MLLT10: variants seen among roughly 807,000 people sequenced by gnomAD.
MLLT10 encodes the protein protein AF-10.
MLLT10 carries 30 observed loss-of-function variants against 129.1 expected under a neutral mutation model. That is an observed-to-expected ratio of 0.23 (90% CI 0.17 to 0.32). The LOEUF (loss-of-function observed/expected upper bound fraction) is 0.32, where lower values mean the gene tolerates loss of function less well. Among genes scored for constraint, MLLT10 ranks in the 10% least tolerant of loss-of-function variants. The probability of loss-of-function intolerance (pLI) is 1.00; values close to 1 mark genes in which losing one functional copy is unlikely to be tolerated. For missense variants in MLLT10, 1,119 were observed against 1,268.3 expected (o/e 0.88, Z 1.79); for synonymous variants, 490 against 446.4 (o/e 1.10, Z -1.23).
intron 9 of MLLT10, among the ~76,000 whole-genome samples, chr10:21,668,232 G>T (rs74335084): frequency 6.6e-6 from 1 of 152,064 alleles, no homozygotes; most frequent in East Asian, 1.9e-4. Context: ...CAAAAGTGAG[G>T]AAACAAGATT....
intron 11 of MLLT10, among the ~76,000 whole-genome samples, chr10:21,677,905 C>T (rs1012535127): frequency 6.6e-6 from 1 of 152,132 alleles, no homozygotes; most frequent in African/African-American, 2.4e-5. Context: ...CTGACATACA[C>T]CACTGTATCC....
At position 21,740,069 on chromosome 10, in the gene MLLT10, C is replaced by G; in HGVS notation, c.2995C>G (p.His999Asp). The G allele has an allele frequency of 6.2e-7, 1 of 1,613,458 alleles. No homozygotes were observed. Among genetic ancestry groups the G allele is most frequent in the Non-Finnish European group, 8.5e-7 (1 of 1,179,694 alleles). Residue 999 changes from histidine (H) to aspartate (D), a missense_variant, in exon 22 of 23, where the codon CAC becomes GAC. By Grantham distance (81) the His-to-Asp change is moderately conservative. Transcript: ENST00000307729. ...CTTTTTGTATCAGTTAATGCAACATCACCACCAGCAGCACCACCAACCTGA... is the reference window on the plus strand; with the variant it reads ...CTTTTTGTATCAGTTAATGCAACATGACCACCAGCAGCACCACCAACCTGA... ...QAFLYQLMQH[H>D]HQQHHQPELQ...
At chr10:21,565,558 C>T (rs1264379626) in intron 3 of MLLT10, among the ~76,000 whole-genome samples, 3 of 150,752 alleles carry the variant, frequency 2.0e-5, no homozygotes, top group Non-Finnish European at 4.4e-5. Context: ...TTGCCTTCCT[C>T]GGCCTCCCAA....
At chr10:21,686,489 G>A (rs955984445) in intron 13 of MLLT10, among the ~76,000 whole-genome samples, 2 of 152,032 alleles carry the variant, frequency 1.3e-5, no homozygotes, top group East Asian at 1.9e-4. Flanking sequence ...GTTTGAAATT[G>A]GTTAGGTGTT....
chr10:21,594,790 C>T (rs1323247457), intron 4 of MLLT10, among the ~76,000 whole-genome samples: 2 of 150,442 alleles, frequency 1.3e-5, no homozygotes, highest in African/African-American at 2.5e-5. Flanking sequence ...GCCGAGATCG[C>T]GCCATTGCAC....
chr10:21,713,768 G>T lies in MLLT10; in HGVS notation c.1700-4G>T, dbSNP rs772400189. 1.9e-5 allele frequency: 30 copies of T among 1,596,792 alleles called. No homozygotes were observed. Among genetic ancestry groups the T allele is most frequent in the East Asian group, 6.7e-5 (3 of 44,488 alleles). On this transcript the variant is annotated splice_polypyrimidine_tract_variant and splice_region_variant and intron_variant, in intron 13 of 22. Coordinates refer to ENST00000307729, the MANE Select transcript of MLLT10 (RefSeq NM_001195626.3). ...ATATTTAAATAACATTTGTTTTTTT[G>T]CAGGTATTTATAACAGCAATGATGT...
intron 3 of MLLT10, among the ~76,000 whole-genome samples, chr10:21,569,981 C>T (rs1482326914): frequency 1.3e-5 from 2 of 152,178 alleles, no homozygotes; most frequent in Non-Finnish European, 2.9e-5. Flanking sequence ...ATGATCTCGG[C>T]TCATTGCAAT....
intron 3 of MLLT10, among the ~76,000 whole-genome samples, chr10:21,585,352 A>G (rs1462352423): frequency 6.6e-6 from 1 of 152,194 alleles, no homozygotes; most frequent in Non-Finnish European, 1.5e-5. Flanking sequence ...ACTGTGTTTC[A>G]TAAGAAGTGG....
intron 5 of MLLT10, among the ~76,000 whole-genome samples, chr10:21,601,755 G>A (rs2043552953): frequency 1.3e-5 from 2 of 152,116 alleles, no homozygotes; most frequent in African/African-American, 4.8e-5. Flanking sequence ...GCCCAGGCTG[G>A]TTGTGAACTC....
intron 12 of MLLT10, 21 bp downstream of exon 12, chr10:21,681,397 GATAA>G (rs1460541216): frequency 1.3e-6 from 2 of 1,569,400 alleles, no homozygotes; most frequent in Non-Finnish European, 1.8e-6. Context: ...AAACTGGGTT[GATAA>G]CCCGGGCCTT....
intron 3 of MLLT10, among the ~76,000 whole-genome samples, chr10:21,563,791 G>A (rs191113341): frequency 6.0e-4 from 87 of 145,650 alleles, no homozygotes; most frequent in Non-Finnish European, 1.1e-3. Context: ...CTCACTGTGT[G>A]TATTATTATT....
intron 13 of MLLT10, among the ~76,000 whole-genome samples, chr10:21,696,945 A>T (rs748272487): frequency 6.6e-6 from 1 of 152,106 alleles, no homozygotes; most frequent in Non-Finnish European, 1.5e-5. Context: ...GCTTTCCGTT[A>T]GGTTAAAATT....
intron 3 of MLLT10, among the ~76,000 whole-genome samples, chr10:21,566,899 C>T (rs1254420249): frequency 2.6e-5 from 4 of 151,952 alleles, no homozygotes; most frequent in African/African-American, 4.8e-5. Flanking sequence ...CCTCAACCTC[C>T]GCCTTCCGGG....
At chr10:21,593,078 C>A (rs1338837065) in intron 4 of MLLT10, among the ~76,000 whole-genome samples, 2 of 147,648 alleles carry the variant, frequency 1.4e-5, no homozygotes, top group Non-Finnish European at 3.0e-5. Flanking sequence ...ATGTCTAAAC[C>A]GTTGTTAATC....
At position 21,704,231 on chromosome 10, in the gene MLLT10, A is replaced by G. The variant is rs1036754241; in HGVS notation, c.1700-9541A>G. ...GCCGTGTTGGCCAGGCTGATGTTGC[A>G]GTCCTGTACTCAAGTGATCTGCCAG... On this transcript the variant is annotated intron_variant, in intron 13 of 22. Transcript: ENST00000307729. Among the ~76,000 whole-genome samples, 6 of 148,974 alleles carry G rather than the reference A, an allele frequency of 4.0e-5. No individual in the cohort carries two copies. The East Asian group carries it at 8.1e-4, about 20-fold the overall frequency.
chr10:21,716,061 A>C (rs974521196), intron 14 of MLLT10, among the ~76,000 whole-genome samples: 4 of 152,242 alleles, frequency 2.6e-5, no homozygotes, highest in African/African-American at 9.6e-5. Flanking sequence ...CTGAGTGCTG[A>C]ACTACTTCAA....
At chr10:21,730,342 T>C (rs1442123340) in intron 16 of MLLT10, among the ~76,000 whole-genome samples, 4 of 151,898 alleles carry the variant, frequency 2.6e-5, no homozygotes, top group Non-Finnish European at 5.9e-5. Flanking sequence ...GCTTTGATCT[T>C]ATTTCTTAAT....
At chr10:21,600,974 C>G (rs2043470555) in intron 5 of MLLT10, among the ~76,000 whole-genome samples, 1 of 152,080 alleles carries the variant, frequency 6.6e-6, no homozygotes, top group South Asian at 2.1e-4. Context: ...CCAACATGGT[C>G]TTGCTGTTGC....
At chr10:21,730,873 T>C in intron 16 of MLLT10, 27 bp from the exon 17 acceptor site, 1 of 1,613,888 alleles carries the variant, frequency 6.2e-7, no homozygotes, top group Non-Finnish European at 8.5e-7. Flanking sequence ...TTCCCCTTCT[T>C]TTTAACTTGA....
Sources: allele counts gnomAD v4.1 joint callset (sites outside exome capture counted in the v4.1 genomes callset), GRCh38; gene constraint gnomAD v4.1.1; transcripts MANE v1.5; gene names NCBI Gene and HGNC (gene_info 2026-07-23, HGNC 2026-07-21).